SLC6A6: variants seen among roughly 807,000 people sequenced by gnomAD.
The protein encoded by SLC6A6 is sodium- and chloride-dependent taurine transporter.
Under a neutral mutation model 68.8 loss-of-function variants are expected in SLC6A6, and 16 were observed. That is an observed-to-expected ratio of 0.23 (90% confidence interval 0.16 to 0.35). SLC6A6 has a LOEUF of 0.35. Among genes scored for constraint, SLC6A6 ranks in the 10% least tolerant of loss-of-function variants. The pLI, the probability that SLC6A6 is intolerant of heterozygous loss-of-function variation, is 1.00. For synonymous variants in SLC6A6, 312 were observed against 315.4 expected, an observed-to-expected ratio of 0.99 and a Z score of 0.12; for missense variants, 474 against 802.8, an observed-to-expected ratio of 0.59 and a Z score of 4.95.
chr3:14,416,069 G>T (rs368117043), intron 1 of SLC6A6, among the ~76,000 whole-genome samples: 21 of 152,220 alleles, frequency 1.4e-4, no homozygotes, highest in East Asian at 7.7e-4. Flanking sequence ...GCATCCAAGA[G>T]AGGGGCGTGT....
In SLC6A6 at chr3:14,477,115, TTG is replaced by T; in HGVS notation, c.1210-84_1210-83del. On this transcript the variant is annotated intron_variant, in intron 10 of 14. Transcript: ENST00000622186. The surrounding 1 kb of genome is among the most constrained non-coding windows in gnomAD (Gnocchi z 4.2). ...AAGGATGGTCACGTCTGCTCCTGCA[TTG>T]TGTGTTCCTGGGCCCTTCCCTCCGA... 1 of 1,213,856 alleles carries T rather than the reference TTG, an allele frequency of 8.2e-7. No individual in the cohort carries two copies. Among genetic ancestry groups the T allele is most frequent in the Non-Finnish European group, 1.2e-6 (1 of 838,898 alleles). The allele number at this position is 1,213,856 out of a possible 1,614,324, so 75.2% of individuals were successfully genotyped here.
In SLC6A6 at chr3:14,414,521, C is replaced by CT. The variant is rs1268657033; in HGVS notation, c.-53-1881dup. ...TAGACATATGGACTTTAGTGCTATT[C>CT]TTTTTTTTTTCTTTTTTTTTAAGAG... On this transcript the variant is annotated intron_variant, in intron 1 of 14. Transcript: ENST00000622186. Among the ~76,000 whole-genome samples the CT allele has an allele frequency of 8.5e-4, 127 of 149,080 alleles. 2 individuals carry two copies. Among genetic ancestry groups the CT allele is most frequent in the Middle Eastern group, 6.9e-3 (2 of 290 alleles).
chr3:14,417,547 C>T (rs575471488), intron 2 of SLC6A6, among the ~76,000 whole-genome samples: 12 of 152,040 alleles, frequency 7.9e-5, no homozygotes, highest in South Asian at 4.1e-4. Context: ...CTGGCTAACA[C>T]GGTGAAACCC....
intron 2 of SLC6A6, among the ~76,000 whole-genome samples, chr3:14,426,298 G>A (rs981171224): frequency 2.6e-5 from 4 of 151,978 alleles, no homozygotes; most frequent in East Asian, 1.9e-4. Flanking sequence ...ATTCTGAGCC[G>A]TAGTTCCTCA....
Position 14,472,077 on chromosome 3 carries a change from G to A in SLC6A6, c.1097-128G>A. ...AGACAGGCCTGGTCTCTTTCCCCAGGCCAGAGTTCAGACCTGGCTCCCTGC... is the reference window on the plus strand; with the variant it reads ...AGACAGGCCTGGTCTCTTTCCCCAGACCAGAGTTCAGACCTGGCTCCCTGC... On this transcript the variant is annotated intron_variant, in intron 9 of 14. Coordinates refer to ENST00000622186, the MANE Select transcript of SLC6A6 (RefSeq NM_003043.6). The surrounding 1 kb of genome is among the most constrained non-coding windows in gnomAD (Gnocchi z 4.5). 1 of 638,228 alleles carries A rather than the reference G, an allele frequency of 1.6e-6. No individual in the cohort carries two copies. Among genetic ancestry groups the A allele is most frequent in the Non-Finnish European group, 2.8e-6 (1 of 353,958 alleles). The allele number at this position is 638,228 out of a possible 1,614,324, so 39.5% of individuals were successfully genotyped here.
intron 6 of SLC6A6, among the ~76,000 whole-genome samples, chr3:14,464,124 T>C (rs1270549741): frequency 6.6e-6 from 1 of 152,182 alleles, no homozygotes; most frequent in Non-Finnish European, 1.5e-5. Flanking sequence ...AGCCCTTTAC[T>C]TCCTGGTGGG....
chr3:14,426,750 G>C (rs774893033), intron 2 of SLC6A6, among the ~76,000 whole-genome samples: 1 of 152,084 alleles, frequency 6.6e-6, no homozygotes, highest in Non-Finnish European at 1.5e-5. Flanking sequence ...ACAATAAGCC[G>C]GGACCCTCCT....
chr3:14,433,519 TAGCTG>T (rs1265661060), intron 2 of SLC6A6, among the ~76,000 whole-genome samples: 2 of 152,098 alleles, frequency 1.3e-5, no homozygotes, highest in African/African-American at 2.4e-5. Flanking sequence ...CAGAAAGTGT[TAGCTG>T]AGCACGGTAG....
rs1701007006 is a variant in SLC6A6, at chr3:14,481,550, G to C, written c.1552-121G>C. 2 of 693,636 alleles carry C rather than the reference G, an allele frequency of 2.9e-6. No individual in the cohort carries two copies. Among genetic ancestry groups the C allele is most frequent in the Admixed American group, 4.7e-5 (2 of 42,152 alleles). The allele number at this position is 693,636 out of a possible 1,614,324, so 43.0% of individuals were successfully genotyped here. On this transcript the variant is annotated intron_variant, in intron 13 of 14. Transcript: ENST00000622186. The surrounding 1 kb of genome is among the most constrained non-coding windows in gnomAD (Gnocchi z 4.7). ...GGCAGCAGAGAGGGGTGTGAGTTCT[G>C]AGCCAGTCCTTTCCCAAGGAGAGAG...
rs1487692441 is a variant in SLC6A6 at position 14,458,022 on chromosome 3, T to A, written c.672T>A (p.Leu224=). The A allele has an allele frequency of 6.2e-7, 1 of 1,613,888 alleles. No individual in the cohort carries two copies. Among genetic ancestry groups the A allele is most frequent in the Non-Finnish European group, 8.5e-7 (1 of 1,179,742 alleles). The change falls in exon 6 of 15, where the codon CTT becomes CTA. Residue 224 remains leucine (L), a synonymous_variant. Coordinates refer to ENST00000622186, the MANE Select transcript of SLC6A6 (RefSeq NM_003043.6). Reference sequence around the variant, plus strand: ...TGAAATGGGACCTCGCTCTCTGCCTTCTTTTAGTCTGGCTAGTGTGTTTCT... The same window carrying A: ...TGAAATGGGACCTCGCTCTCTGCCTACTTTTAGTCTGGCTAGTGTGTTTCT... ...GSLKWDLALC[L]LLVWLVCFFC... is the part of the protein sequence containing the mutation.
intron 2 of SLC6A6, among the ~76,000 whole-genome samples, chr3:14,438,466 G>A (rs1293427069): frequency 6.6e-6 from 1 of 152,198 alleles, no homozygotes; most frequent in Non-Finnish European, 1.5e-5. Context: ...GCCTGCTGTG[G>A]AAAGGGCGGG....
At chr3:14,418,518 T>G (rs1574912814) in intron 2 of SLC6A6, among the ~76,000 whole-genome samples, 1 of 152,006 alleles carries the variant, frequency 6.6e-6, no homozygotes, top group Non-Finnish European at 1.5e-5. Flanking sequence ...GGCATGGAGG[T>G]GACCTACTCG....
At chr3:14,445,442 A>AAAAGAAAGAAAG (rs71038410) in intron 3 of SLC6A6, among the ~76,000 whole-genome samples, 2 of 148,128 alleles carry the variant, frequency 1.4e-5, no homozygotes, top group Non-Finnish European at 3.0e-5. Context: ...AAAAAAGAAA[A>AAAAGAAAGAAAG]AAAGAAAGAA....
intron 5 of SLC6A6, among the ~76,000 whole-genome samples, chr3:14,454,400 C>CAGT (rs1317327012): frequency 1.3e-5 from 2 of 152,136 alleles, no homozygotes; most frequent in Non-Finnish European, 2.9e-5. Flanking sequence ...CGACACTCTA[C>CAGT]AGTTTACTGA....
At chr3:14,454,504 T>G (rs1700326175) in intron 5 of SLC6A6, among the ~76,000 whole-genome samples, 1 of 152,104 alleles carries the variant, frequency 6.6e-6, no homozygotes, top group Non-Finnish European at 1.5e-5. Flanking sequence ...GAAGGGACTG[T>G]GGAGGGGCCT....
At chr3:14,405,272 C>G (rs1461330069) in intron 1 of SLC6A6, among the ~76,000 whole-genome samples, 1 of 152,158 alleles carries the variant, frequency 6.6e-6, no homozygotes, top group Non-Finnish European at 1.5e-5. Context: ...CTGAGCCCTG[C>G]TACCCATTCT....
At chr3:14,409,352 C>T (rs906721341) in intron 1 of SLC6A6, among the ~76,000 whole-genome samples, 26 of 152,194 alleles carry the variant, frequency 1.7e-4, no homozygotes, top group African/African-American at 2.7e-4. Context: ...GCAGAGGAGC[C>T]GGCTGAGCCG....
Position 14,472,224 on chromosome 3 carries a change from T to C in SLC6A6, c.1116T>C (p.Ile372=). The change falls in exon 10 of 15, where the codon ATT becomes ATC. Residue 372 remains isoleucine (I), a synonymous_variant. Transcript: ENST00000622186. The surrounding 1 kb of genome is among the most constrained non-coding windows in gnomAD (Gnocchi z 4.5). The part of the protein sequence containing the change: ...VAESGPGLAF[I]AYPKAVTMMP... ...TTCTAGGTCCTGGCCTGGCCTTCAT[T>C]GCCTACCCAAAAGCTGTGACAATGA... 6.2e-7 allele frequency: 1 copy of C among 1,613,322 alleles called. No homozygotes were observed. Among genetic ancestry groups the C allele is most frequent in the South Asian group, 1.1e-5 (1 of 91,066 alleles).
Position 14,477,812 on chromosome 3 carries a change from C to G in SLC6A6, c.1347+470C>G, listed in dbSNP as rs941166950. Among the ~76,000 whole-genome samples, 1 of 152,110 alleles carries G rather than the reference C, an allele frequency of 6.6e-6. No homozygotes were observed. Among genetic ancestry groups the G allele is most frequent in the African/African-American group, 2.4e-5 (1 of 41,420 alleles). ...TATGGGTTGATAGGGGGCACATACA[C>G]TATTCAGAGGGTGAGCAGGGGCCAG... On this transcript the variant is annotated intron_variant, in intron 11 of 14. Coordinates refer to ENST00000622186, the MANE Select transcript of SLC6A6 (RefSeq NM_003043.6). The surrounding 1 kb of genome is among the most constrained non-coding windows in gnomAD (Gnocchi z 4.2).
Sources: allele counts gnomAD v4.1 joint callset (sites outside exome capture counted in the v4.1 genomes callset), GRCh38; gene constraint gnomAD v4.1.1; non-coding constraint Gnocchi (gnomAD v3.1); transcripts MANE v1.5; gene names NCBI Gene and HGNC (gene_info 2026-07-23, HGNC 2026-07-21).